Variants in UBE2G1 observed in about 807,000 individuals in gnomAD.
UBE2G1 encodes the protein ubiquitin conjugating enzyme E2 G1.
In UBE2G1, 5 loss-of-function variants were observed where a neutral mutation model predicts 22.7. The ratio of observed to expected loss-of-function variants is 0.22; its 90% CI spans 0.12 to 0.46. The LOEUF (loss-of-function observed/expected upper bound fraction) is 0.46, where lower values mean the gene tolerates loss of function less well. Ranked by LOEUF, UBE2G1 falls within the 20% of genes least tolerant of loss-of-function variation. UBE2G1 has a pLI of 0.99. For missense variants in UBE2G1, 88 were observed against 203.9 expected (o/e 0.43, Z 3.46); for synonymous variants, 74 against 67.5 (o/e 1.10, Z -0.47).
intron 3 of UBE2G1, among the ~76,000 whole-genome samples, chr17:4,290,779 CTTTTTTTTT>C (rs34313850): frequency 5.1e-5 from 6 of 117,970 alleles, no homozygotes; most frequent in African/African-American, 1.6e-4. Flanking sequence ...CCATTCCTGG[CTTTTTTTTT>C]TTTTTTTTTT....
intron 1 of UBE2G1, among the ~76,000 whole-genome samples, chr17:4,352,578 A>C (rs1969856977): frequency 1.3e-5 from 2 of 152,236 alleles, no homozygotes; most frequent in African/African-American, 4.8e-5. Flanking sequence ...GGAAAAGCCA[A>C]GAAGAAAACA....
chr17:4,339,080 T>A (rs1202172450), intron 1 of UBE2G1, among the ~76,000 whole-genome samples: 2 of 152,208 alleles, frequency 1.3e-5, no homozygotes, highest in African/African-American at 4.8e-5. Flanking sequence ...GTATATTACA[T>A]TTTATGAAAA....
At chr17:4,315,153 G>C (rs1050255227) in intron 1 of UBE2G1, among the ~76,000 whole-genome samples, 8 of 152,238 alleles carry the variant, frequency 5.3e-5, no homozygotes, top group Admixed American at 2.0e-4. Context: ...TAGGGAGAGG[G>C]CTAAGATAGG....
chr17:4,366,087 A>G (rs1346900024), intron 1 of UBE2G1, among the ~76,000 whole-genome samples, 184 bp downstream of exon 1: 1 of 151,820 alleles, frequency 6.6e-6, no homozygotes, highest in Non-Finnish European at 1.5e-5. Context: ...CCCCGCCCCC[A>G]GTGCCCTCCA....
chr17:4,330,783 G>A (rs1415747315), intron 1 of UBE2G1, among the ~76,000 whole-genome samples: 8 of 151,260 alleles, frequency 5.3e-5, no homozygotes, highest in Non-Finnish European at 7.4e-5. Context: ...AATTAGAGAC[G>A]GGGTTTCACC....
chr17:4,363,111 ACT>A (rs1412926316), intron 1 of UBE2G1, among the ~76,000 whole-genome samples: 1 of 151,794 alleles, frequency 6.6e-6, no homozygotes, highest in Non-Finnish European at 1.5e-5. Context: ...ACAAAGTAAA[ACT>A]CTGTCTCAAA....
chr17:4,309,870 C>G (rs1033690096), intron 1 of UBE2G1, among the ~76,000 whole-genome samples: 1 of 152,212 alleles, frequency 6.6e-6, no homozygotes, highest in Admixed American at 6.5e-5. Flanking sequence ...TTTCCTTACA[C>G]TTTCCATAAA....
intron 4 of UBE2G1, among the ~76,000 whole-genome samples, chr17:4,283,758 G>C (rs1325239190): frequency 1.3e-5 from 2 of 152,064 alleles, no homozygotes; most frequent in Admixed American, 6.6e-5. Context: ...AGAGAGAGGA[G>C]TTGGAGGAGA....
chr17:4,314,281 A>C (rs892926318), intron 1 of UBE2G1, among the ~76,000 whole-genome samples: 1 of 152,254 alleles, frequency 6.6e-6, no homozygotes, highest in Admixed American at 6.5e-5. Flanking sequence ...GAAGCTATCG[A>C]GTAATACTAT....
At chr17:4,311,201 T>C (rs1358075799) in intron 1 of UBE2G1, among the ~76,000 whole-genome samples, 1 of 152,176 alleles carries the variant, frequency 6.6e-6, no homozygotes, top group Non-Finnish European at 1.5e-5. Context: ...CACTCCAGCC[T>C]GGGCAACAGA....
At chr17:4,319,636 A>G (rs1969414633) in intron 1 of UBE2G1, among the ~76,000 whole-genome samples, 1 of 152,044 alleles carries the variant, frequency 6.6e-6, no homozygotes, top group South Asian at 2.1e-4. Flanking sequence ...TCAGGAGGCT[A>G]AGGTGGGCAG....
chr17:4,283,712 G>A (rs1343985617), intron 4 of UBE2G1, among the ~76,000 whole-genome samples: 1 of 152,112 alleles, frequency 6.6e-6, no homozygotes, highest in African/African-American at 2.4e-5. Flanking sequence ...AGAACAGTGG[G>A]GTAATGAAGG....
At chr17:4,351,275 ACTC>A (rs1698318470) in intron 1 of UBE2G1, among the ~76,000 whole-genome samples, 1 of 151,716 alleles carries the variant, frequency 6.6e-6, no homozygotes, top group South Asian at 2.1e-4. Context: ...TGTATCTGAA[ACTC>A]TTCTAAAAAG....
Position 4,366,332 on chromosome 17 carries a change from C to T in UBE2G1, c.-16G>A, listed in dbSNP as rs766916544. ...GCTCCGTCATCCTCCCTGCCGAGGG[C>T]CCGGGCTGGCGCCGGGGCTTCCGAA... On this transcript the variant is annotated 5_prime_UTR_variant, in exon 1 of 6. Coordinates refer to ENST00000396981, the MANE Select transcript of UBE2G1 (RefSeq NM_003342.5). 39 of 1,535,564 alleles carry T rather than the reference C, an allele frequency of 2.5e-5. No homozygotes were observed. The highest frequency in any genetic ancestry group is 3.2e-5 in the Non-Finnish European group (37 of 1,150,474).
chr17:4,305,454 C>A (rs942659687), intron 2 of UBE2G1, among the ~76,000 whole-genome samples: 10 of 152,234 alleles, frequency 6.6e-5, no homozygotes, highest in African/African-American at 2.4e-4. Context: ...CATATACACA[C>A]TCCAGCAGAG....
chr17:4,302,040 CA>C, intron 2 of UBE2G1: 2 of 474,700 alleles, frequency 4.2e-6, no homozygotes, highest in African/African-American at 2.0e-5. Flanking sequence ...ACAACAACAA[CA>C]AAAAAAGGGG....
At chr17:4,316,895 G>T (rs1401978229) in intron 1 of UBE2G1, among the ~76,000 whole-genome samples, 1 of 147,856 alleles carries the variant, frequency 6.8e-6, no homozygotes, top group Non-Finnish European at 1.5e-5. Context: ...ACCTAAGAAG[G>T]TGCCAATGCA....
chr17:4,361,319 G>C (rs1597269465), intron 1 of UBE2G1, among the ~76,000 whole-genome samples: 1 of 151,896 alleles, frequency 6.6e-6, no homozygotes, highest in African/African-American at 2.4e-5. Flanking sequence ...TTGAGGTCAG[G>C]AGTTCAAGAC....
intron 2 of UBE2G1, among the ~76,000 whole-genome samples, chr17:4,304,099 C>A (rs1346363136): frequency 3.9e-5 from 6 of 152,202 alleles, no homozygotes; most frequent in Admixed American, 6.5e-5. Flanking sequence ...TCTTGGCTCA[C>A]TGCAGCCTCC....
Sources: gnomAD v4.1 joint callset for allele counts (sites outside exome capture counted in the v4.1 genomes callset) on GRCh38, gnomAD v4.1.1 for gene constraint, MANE v1.5 for transcripts, NCBI Gene and HGNC (gene_info 2026-07-23, HGNC 2026-07-21) for gene names.